LIPC: variants seen among roughly 807,000 people sequenced by gnomAD.
LIPC encodes the protein lipase C, hepatic type.
Under a neutral mutation model 50.7 loss-of-function variants are expected in LIPC, and 44 were observed. The observed-to-expected ratio is 0.87, with a 90% CI of 0.68 to 1.11. LIPC has a LOEUF of 1.11. LIPC is among the 50% of genes most tolerant of loss of function. The pLI is 0.00. For synonymous variants in LIPC, 271 were observed against 256.4 expected (o/e 1.06, Z -0.54); for missense variants, 697 against 648.2 (o/e 1.08, Z -0.82).
chr15:58,443,264 G>T (rs566104743), intron 1 of LIPC, among the ~76,000 whole-genome samples: 1 of 152,112 alleles, frequency 6.6e-6, no homozygotes, highest in Non-Finnish European at 1.5e-5. Context: ...AACTTCCGTG[G>T]GTCTGGCCAC....
chr15:58,450,326 G>C (rs919915414), intron 1 of LIPC, among the ~76,000 whole-genome samples: 1 of 152,178 alleles, frequency 6.6e-6, no homozygotes, highest in Non-Finnish European at 1.5e-5. Context: ...AATAGGCCTA[G>C]GGTGCGGCCC....
chr15:58,523,727 T>C (rs1375926034), intron 1 of LIPC, among the ~76,000 whole-genome samples: 1 of 152,008 alleles, frequency 6.6e-6, no homozygotes. Flanking sequence ...GAGACCAGCC[T>C]GAGCAACACA....
chr15:58,510,033 C>T lies in LIPC; in HGVS notation c.89-28300C>T, dbSNP rs753081696. Among the ~76,000 whole-genome samples, 48 of 151,968 alleles carry T rather than the reference C, an allele frequency of 3.2e-4. 1 individual carries two copies. Among genetic ancestry groups the T allele is most frequent in the African/African-American group, 1.2e-3 (48 of 41,458 alleles). On this transcript the variant is annotated intron_variant, in intron 1 of 8. Transcript: ENST00000299022. ...CATTCCATAAGACTTTATCCAGTTC[C>T]ACTGTTAATAAAATGTACATGCGCA... is the stretch of plus-strand genomic sequence containing the variant.
intron 2 of LIPC, among the ~76,000 whole-genome samples, chr15:58,539,961 G>A (rs969058858): frequency 2.6e-5 from 4 of 152,154 alleles, no homozygotes; most frequent in Middle Eastern, 3.2e-3. Flanking sequence ...GGGAGTTCCC[G>A]TGTGGCCCTG....
At chr15:58,470,075 G>A (rs1205133194) in intron 1 of LIPC, among the ~76,000 whole-genome samples, 5 of 151,874 alleles carry the variant, frequency 3.3e-5, no homozygotes, top group Admixed American at 3.3e-4. Context: ...TGGGACTACG[G>A]GTACATACCA....
At position 58,560,858 on chromosome 15, in the gene LIPC, C is replaced by T. The variant is rs771057223; in HGVS notation, c.1052-6C>T. On this transcript the variant is annotated splice_polypyrimidine_tract_variant and splice_region_variant and intron_variant, in intron 6 of 8. Transcript: ENST00000299022. The stretch of plus-strand genomic sequence containing the variant: ...TCTCTCTTTCTCTCTCTGTCTCTCT[C>T]TCTAGTTTATCATTACCAGTTCAAG... The T allele has an allele frequency of 7.3e-6, 7 of 958,700 alleles. No individual in the cohort carries two copies. The highest frequency in any genetic ancestry group is 5.1e-5 in the Admixed American group (3 of 59,116). 59.4% of individuals were successfully genotyped at this position (958,700 alleles called of 1,614,324 possible).
chr15:58,540,005 T>C (rs1893267766), intron 2 of LIPC, among the ~76,000 whole-genome samples: 1 of 152,188 alleles, frequency 6.6e-6, no homozygotes, highest in Non-Finnish European at 1.5e-5. Context: ...AGCTCGGCTT[T>C]CTAATTGTCT....
intron 2 of LIPC, among the ~76,000 whole-genome samples, chr15:58,539,834 T>A (rs932076513): frequency 6.6e-6 from 1 of 152,124 alleles, no homozygotes; most frequent in Admixed American, 6.6e-5. Context: ...GTGTTCTTTC[T>A]CCTCCTCTTT....
At chr15:58,550,802 A>ACGTTGG (rs200667744) in intron 6 of LIPC, among the ~76,000 whole-genome samples, 2 of 132,124 alleles carry the variant, frequency 1.5e-5, no homozygotes, top group African/African-American at 5.8e-5. Flanking sequence ...GGCTTGTACC[A>ACGTTGG]CACCCTCTCC....
chr15:58,542,154 C>T (rs1285435222), intron 3 of LIPC, among the ~76,000 whole-genome samples, 187 bp downstream of exon 3: 2 of 152,194 alleles, frequency 1.3e-5, no homozygotes, highest in African/African-American at 2.4e-5. Flanking sequence ...CCCTTGAACC[C>T]CTGTTTCACA....
At chr15:58,482,599 A>C (rs1430525882) in intron 1 of LIPC, among the ~76,000 whole-genome samples, 1 of 152,110 alleles carries the variant, frequency 6.6e-6, no homozygotes, top group Non-Finnish European at 1.5e-5. Context: ...AGCCACTCTA[A>C]ATTTCTGGGC....
At chr15:58,542,686 ACTC>A in intron 4 of LIPC, 35 bp downstream of exon 4, 1 of 1,383,846 alleles carries the variant, frequency 7.2e-7, no homozygotes, top group Non-Finnish European at 1.0e-6. Flanking sequence ...ACTGATCTCC[ACTC>A]CATAGGGGCA....
intron 1 of LIPC, among the ~76,000 whole-genome samples, chr15:58,471,849 T>C (rs1890820065): frequency 6.6e-6 from 1 of 152,196 alleles, no homozygotes; most frequent in African/African-American, 2.4e-5. Flanking sequence ...TCCAGCCACG[T>C]GCCCTTTCCC....
rs188838980 is a variant in LIPC at position 58,467,080 on chromosome 15, A to G, written c.88+34960A>G. Among the ~76,000 whole-genome samples the G allele has an allele frequency of 2.0e-5, 3 of 152,344 alleles. No homozygotes were observed. In the East Asian group the frequency reaches 5.8e-4, roughly 29 times the overall value. On this transcript the variant is annotated intron_variant, in intron 1 of 8. Coordinates refer to ENST00000299022, the MANE Select transcript of LIPC (RefSeq NM_000236.3). ...CTAATAAACTTTGGCATGACGTTTC[A>G]TCAGATTCTGATAGTTTCTTTTGTT...
intron 1 of LIPC, among the ~76,000 whole-genome samples, chr15:58,488,086 C>G (rs1891439180): frequency 6.6e-6 from 1 of 152,226 alleles, no homozygotes; most frequent in Non-Finnish European, 1.5e-5. Context: ...GTCTGGCCAA[C>G]ATGGAAAACC....
intron 6 of LIPC, among the ~76,000 whole-genome samples, chr15:58,560,328 C>T (rs1217600851): frequency 6.6e-6 from 1 of 152,108 alleles, no homozygotes; most frequent in Non-Finnish European, 1.5e-5. Context: ...CTTATTGAAA[C>T]TCACAGAGCT....
intron 6 of LIPC, among the ~76,000 whole-genome samples, chr15:58,550,059 A>G (rs1174169753): frequency 6.6e-6 from 1 of 152,190 alleles, no homozygotes; most frequent in Non-Finnish European, 1.5e-5. Context: ...CGTTTTTCAG[A>G]TGGGGAAACC....
At chr15:58,567,696 T>C (rs543258565) in intron 8 of LIPC, among the ~76,000 whole-genome samples, 37 of 152,128 alleles carry the variant, frequency 2.4e-4, no homozygotes, top group Non-Finnish European at 4.1e-4. Context: ...AATAGTGAAA[T>C]AGACTTCTAC....
intron 1 of LIPC, chr15:58,434,979 G>A (rs1397300239): frequency 7.2e-5 from 11 of 152,276 alleles, no homozygotes; most frequent in Admixed American, 1.3e-4. Flanking sequence ...CACACACTCT[G>A]TTCACACGTT....
Sources: allele counts gnomAD v4.1 joint callset (sites outside exome capture counted in the v4.1 genomes callset), GRCh38; gene constraint gnomAD v4.1.1; transcripts MANE v1.5; gene names NCBI Gene and HGNC (gene_info 2026-07-23, HGNC 2026-07-21).